The following PTPRB variants were observed in gnomAD, a reference collection of about 807,000 sequenced individuals.
PTPRB encodes receptor-type tyrosine-protein phosphatase beta.
PTPRB carries 97 observed loss-of-function variants against 238.1 expected under a neutral mutation model. That is an observed-to-expected ratio of 0.41 (90% CI 0.35 to 0.48). The LOEUF (loss-of-function observed/expected upper bound fraction) is 0.48. PTPRB is among the 20% of genes least tolerant of loss of function. The pLI, the probability that PTPRB is intolerant of heterozygous loss-of-function variation, is 0.30. For synonymous variants in PTPRB, 970 were observed against 995.4 expected (o/e 0.97, Z 0.48); for missense variants, 2,292 against 2,681.9 (o/e 0.85, Z 3.21).
chr12:70,544,630 A>C lies in PTPRB; in HGVS notation c.5421T>G (p.Asp1807Glu). ...ISIRAFTQLF[D>E]EDLKEFTKPL... Reference sequence around the variant, plus strand: ...GCTTTGTGAATTCCTTCAGGTCCTCATCAAAGAGCTGTGTAAAAGCTCGAA... The same window carrying C: ...GCTTTGTGAATTCCTTCAGGTCCTCCTCAAAGAGCTGTGTAAAAGCTCGAA... Residue 1807 changes from aspartate (D) to glutamate (E), a missense_variant, in exon 22 of 34, where the codon GAT (aspartate) becomes GAG (glutamate). By Grantham distance (45) the Asp-to-Glu change is conservative. Around this residue, in one of 4 missense-constraint regions of PTPRB, gnomAD observed 397 missense variants for 502.0 expected, o/e 0.79. Coordinates refer to ENST00000334414, the MANE Select transcript of PTPRB (RefSeq NM_001109754.4). 1 of 1,598,266 alleles carries C rather than the reference A, an allele frequency of 6.3e-7. No individual in the cohort carries two copies. Among genetic ancestry groups the C allele is most frequent in the Non-Finnish European group, 8.5e-7 (1 of 1,175,798 alleles).
At chr12:70,600,534 T>C (rs1241811518) in intron 4 of PTPRB, among the ~76,000 whole-genome samples, 1 of 152,234 alleles carries the variant, frequency 6.6e-6, no homozygotes, top group Non-Finnish European at 1.5e-5. Flanking sequence ...ATAGTCAAAA[T>C]GAGTAACAAC....
chr12:70,556,241 T>C, intron 18 of PTPRB, 93 bp from the exon 19 acceptor site: 1 of 1,155,806 alleles, frequency 8.7e-7, no homozygotes, highest in African/African-American at 1.6e-5. Flanking sequence ...GAGATCTAGG[T>C]ATAGGAGGGA....
intron 10 of PTPRB, 37 bp from the exon 11 acceptor site, chr12:70,576,682 G>GGGGGGGTGGGGGT: frequency 8.6e-6 from 1 of 115,658 alleles, no homozygotes. Context: ...GGGGGGGGGG[G>GGGGGGGTGGGGGT]AAGGGGGATT....
At chr12:70,551,833 GA>G (rs1876927016) in intron 21 of PTPRB, among the ~76,000 whole-genome samples, 1 of 152,064 alleles carries the variant, frequency 6.6e-6, no homozygotes, top group South Asian at 2.1e-4. Context: ...CCTGCTTTCT[GA>G]AAACACAGTG....
intron 9 of PTPRB, among the ~76,000 whole-genome samples, chr12:70,586,711 G>A (rs1881948239): frequency 1.3e-5 from 2 of 152,068 alleles, no homozygotes; most frequent in Non-Finnish European, 1.5e-5. Flanking sequence ...TTCAACCATA[G>A]TTCCTCTTCT....
At position 70,518,769 on chromosome 12, in the gene PTPRB, T is replaced by A. The variant is rs1208341329; in HGVS notation, c.*2720A>T. The A allele has an allele frequency of 6.6e-6, 1 of 152,160 alleles. No individual in the cohort carries two copies. The highest frequency in any genetic ancestry group is 1.5e-5 in the Non-Finnish European group (1 of 68,034). 9.4% of individuals were successfully genotyped at this position (152,160 alleles called of 1,614,324 possible). On this transcript the variant is annotated 3_prime_UTR_variant, in exon 34 of 34. Coordinates refer to ENST00000334414, the MANE Select transcript of PTPRB (RefSeq NM_001109754.4). ...TTTAATGAGATGAGGTTAAAGGAGTTAATTATAACGAACTTGGAAAAATAA... is the reference window on the plus strand; with the variant it reads ...TTTAATGAGATGAGGTTAAAGGAGTAAATTATAACGAACTTGGAAAAATAA...
chr12:70,614,065 T>C (rs931040688), intron 3 of PTPRB, among the ~76,000 whole-genome samples: 105 of 152,142 alleles, frequency 6.9e-4, no homozygotes, highest in African/African-American at 2.5e-3. Flanking sequence ...GCAGTACCCG[T>C]TAGAACAGTG....
chr12:70,559,687 G>C, intron 17 of PTPRB, 63 bp from the exon 18 acceptor site: 1 of 1,441,166 alleles, frequency 6.9e-7, no homozygotes, highest in African/African-American at 1.4e-5. Flanking sequence ...ATACAAATAA[G>C]ATAGCTGAGC....
Position 70,544,681 on chromosome 12 carries a change from T to A in PTPRB, c.5388-18A>T, listed in dbSNP as rs768675546. On this transcript the variant is annotated intron_variant, in intron 21 of 33. Coordinates refer to ENST00000334414, the MANE Select transcript of PTPRB (RefSeq NM_001109754.4). ...TGCTGATTCTGAAAAGAAAACCGAT[T>A]TATTTAAATATAAATTAGTTGTTGA... The A allele has an allele frequency of 6.6e-7, 1 of 1,511,224 alleles. No individual in the cohort carries two copies. Among genetic ancestry groups the A allele is most frequent in the Non-Finnish European group, 8.9e-7 (1 of 1,120,422 alleles). 93.6% of individuals were successfully genotyped at this position (1,511,224 alleles called of 1,614,324 possible).
chr12:70,574,852 C>G (rs1293513412), intron 11 of PTPRB, among the ~76,000 whole-genome samples: 1 of 152,140 alleles, frequency 6.6e-6, no homozygotes, highest in East Asian at 1.9e-4. Flanking sequence ...TAAAGAATCA[C>G]TTTCTTGCAT....
chr12:70,553,146 TC>T, intron 20 of PTPRB, 126 bp from the exon 21 acceptor site: 1 of 1,158,818 alleles, frequency 8.6e-7, no homozygotes, highest in Non-Finnish European at 1.2e-6. Context: ...AAGTACAGAT[TC>T]TGCAATCTCA....
At position 70,622,571 on chromosome 12, in the gene PTPRB, G is replaced by A; in HGVS notation, c.527C>T (p.Ala176Val). 6.3e-7 allele frequency: 1 copy of A among 1,598,784 alleles called. No individual in the cohort carries two copies. The highest frequency in any genetic ancestry group is 8.5e-7 in the Non-Finnish European group (1 of 1,171,920). Residue 176 changes from alanine (A) to valine (V), a missense_variant, in exon 3 of 34, where the codon GCA (alanine) becomes GTA (valine). Physicochemically the swap from Ala to Val is moderately conservative, Grantham distance 64. This residue lies in a region of PTPRB where 1,205 missense variants were observed against 1,287.8 expected (regional missense o/e 0.94). Coordinates refer to ENST00000334414, the MANE Select transcript of PTPRB (RefSeq NM_001109754.4). ...AAGGAATACCAGGCCATCTGGAACTGCATTAAAGGTAGTGAGAATCTGGGG... is the reference window on the plus strand; with the variant it reads ...AAGGAATACCAGGCCATCTGGAACTACATTAAAGGTAGTGAGAATCTGGGG... ...APPQILTTFN[A>V]VPDGLVFLIR... is the part of the protein sequence containing the mutation.
intron 3 of PTPRB, among the ~76,000 whole-genome samples, chr12:70,619,347 T>C (rs972269846): frequency 7.3e-6 from 1 of 136,454 alleles, no homozygotes; most frequent in Non-Finnish European, 1.6e-5. Flanking sequence ...GATGATACTA[T>C]GGTAGATTGC....
intron 3 of PTPRB, among the ~76,000 whole-genome samples, chr12:70,611,017 TATTTA>T (rs1884416003): frequency 6.6e-6 from 1 of 152,190 alleles, no homozygotes; most frequent in African/African-American, 2.4e-5. Context: ...AGAGCAAAAA[TATTTA>T]ATTGTACACA....
At chr12:70,533,505 G>A (rs770566871) in intron 31 of PTPRB, among the ~76,000 whole-genome samples, 1 of 152,192 alleles carries the variant, frequency 6.6e-6, no homozygotes, top group Non-Finnish European at 1.5e-5. Flanking sequence ...TCACTTGTTA[G>A]GTTGATTTTC....
chr12:70,539,519 C>T, intron 26 of PTPRB, 106 bp downstream of exon 26: 1 of 878,144 alleles, frequency 1.1e-6, no homozygotes, highest in Non-Finnish European at 1.8e-6. Flanking sequence ...TCTAAGCAGC[C>T]TCCTAACTTC....
intron 3 of PTPRB, among the ~76,000 whole-genome samples, chr12:70,616,640 C>T (rs1424689704): frequency 2.0e-5 from 3 of 152,158 alleles, no homozygotes; most frequent in African/African-American, 7.2e-5. Context: ...CAATGGTAAG[C>T]ACCACAAGCT....
chr12:70,630,739 G>A (rs558850204), intron 2 of PTPRB, among the ~76,000 whole-genome samples: 1 of 152,242 alleles, frequency 6.6e-6, no homozygotes, highest in East Asian at 1.9e-4. Flanking sequence ...CAAAGTCTCA[G>A]GATACAAAAT....
At chr12:70,631,890 T>A (rs1040087273) in intron 2 of PTPRB, among the ~76,000 whole-genome samples, 2 of 152,062 alleles carry the variant, frequency 1.3e-5, no homozygotes, top group African/African-American at 4.8e-5. Flanking sequence ...ATACCATCTC[T>A]TGCCAGTTAG....
Sources: gnomAD v4.1 joint callset for allele counts (sites outside exome capture counted in the v4.1 genomes callset) on GRCh38, gnomAD v4.1.1 for gene constraint, gnomAD v4.1.1 regional missense constraint, MANE v1.5 for transcripts, NCBI Gene and HGNC (gene_info 2026-07-23, HGNC 2026-07-21) for gene names.